USP34: variants seen among roughly 807,000 people sequenced by gnomAD.
USP34 encodes the protein ubiquitin specific peptidase 34, also known as ubiquitin carboxyl-terminal hydrolase 34.
Under a neutral mutation model 460.3 loss-of-function variants are expected in USP34, and 70 were observed. The observed-to-expected ratio is 0.15, with a 90% CI of 0.13 to 0.19. USP34 has a LOEUF of 0.19. Among genes scored for constraint, USP34 ranks in the 10% least tolerant of loss-of-function variants. USP34 has a pLI of 1.00. For synonymous variants in USP34, 1,647 were observed against 1,405.3 expected (o/e 1.17, Z -3.85); for missense variants, 3,985 against 4,236.2 (o/e 0.94, Z 1.65).
intron 5 of USP34, among the ~76,000 whole-genome samples, chr2:61,391,853 A>AT (rs1259256915): frequency 4.6e-5 from 7 of 152,170 alleles, no homozygotes; most frequent in African/African-American, 1.7e-4. Context: ...AATCTACAAT[A>AT]TTTTTTATAA....
At chr2:61,330,083 A>G (rs996437997) in intron 20 of USP34, among the ~76,000 whole-genome samples, 2 of 152,212 alleles carry the variant, frequency 1.3e-5, no homozygotes, top group African/African-American at 4.8e-5. Flanking sequence ...AAAGGTAGAG[A>G]TTAATGGCAG....
At chr2:61,459,751 T>C (rs1695546117) in intron 1 of USP34, among the ~76,000 whole-genome samples, 4 of 148,508 alleles carry the variant, frequency 2.7e-5, no homozygotes. Context: ...CACTCCAGCC[T>C]GGGCTACAGA....
At chr2:61,341,755 CTTTT>C (rs896288474) in intron 16 of USP34, among the ~76,000 whole-genome samples, 4 of 91,750 alleles carry the variant, frequency 4.4e-5, no homozygotes, top group South Asian at 4.5e-4. Context: ...TCAGGTCTTT[CTTTT>C]TTTTTTTTTT....
At chr2:61,337,819 A>G (rs549627634) in intron 18 of USP34, among the ~76,000 whole-genome samples, 3 of 152,272 alleles carry the variant, frequency 2.0e-5, no homozygotes, top group South Asian at 2.1e-4. Context: ...TCACCAGGGT[A>G]TATTTTGTTA....
chr2:61,445,261 C>G (rs554247298), intron 1 of USP34, among the ~76,000 whole-genome samples: 1 of 146,296 alleles, frequency 6.8e-6, no homozygotes, highest in Non-Finnish European at 1.5e-5. Context: ...GCTGGCCGGG[C>G]CCGGTGGCTC....
chr2:61,330,784 A>C (rs142750728), intron 20 of USP34, among the ~76,000 whole-genome samples: 1 of 152,196 alleles, frequency 6.6e-6, no homozygotes, highest in African/African-American at 2.4e-5. Context: ...ATATCCAGAG[A>C]ATATTTTGAT....
rs1695736743 is a variant in USP34, at chr2:61,465,591, C to A, written c.43+5059G>T. 2.0e-5 allele frequency among the ~76,000 whole-genome samples: 3 copies of A among 152,136 alleles called. No individual in the cohort carries two copies. The South Asian group carries it at 6.2e-4, about 32-fold the overall frequency. On this transcript the variant is annotated intron_variant, in intron 1 of 79. Coordinates refer to ENST00000398571, the MANE Select transcript of USP34 (RefSeq NM_014709.4). ...GGCATGGTAGCTCATGCCTGTAATT[C>A]CAGTACTTGGGGAGGCTGAGGCAGG...
chr2:61,375,982 G>A (rs1692788759), intron 8 of USP34, among the ~76,000 whole-genome samples: 1 of 152,014 alleles, frequency 6.6e-6, no homozygotes, highest in South Asian at 2.1e-4. Context: ...ACTATCATTT[G>A]ATTCCTTTTA....
intron 29 of USP34, among the ~76,000 whole-genome samples, chr2:61,298,958 G>C (rs1014854719): frequency 1.3e-4 from 20 of 151,958 alleles, no homozygotes; most frequent in Non-Finnish European, 2.4e-4. Context: ...GACCCAATTT[G>C]AACAACTCCT....
intron 67 of USP34, 81 bp downstream of exon 67, chr2:61,220,229 T>C (rs1404750122): frequency 1.6e-6 from 2 of 1,234,462 alleles, no homozygotes; most frequent in Non-Finnish European, 2.2e-6. Flanking sequence ...AATGGGCATG[T>C]CGTAGTTGCC....
chr2:61,466,093 G>A (rs1028209398), intron 1 of USP34, among the ~76,000 whole-genome samples: 1 of 151,902 alleles, frequency 6.6e-6, no homozygotes, highest in Non-Finnish European at 1.5e-5. Flanking sequence ...GAGATAGAAG[G>A]AATAAGTACT....
intron 1 of USP34, among the ~76,000 whole-genome samples, chr2:61,467,307 T>C (rs928622234): frequency 6.6e-6 from 1 of 151,614 alleles, no homozygotes; most frequent in Non-Finnish European, 1.5e-5. Context: ...TGTCTCCAAA[T>C]AAAAAATAAA....
intron 19 of USP34, among the ~76,000 whole-genome samples, chr2:61,331,641 A>C: frequency 6.6e-6 from 1 of 152,044 alleles, no homozygotes; most frequent in Admixed American, 6.5e-5. Context: ...GTTAATATTA[A>C]AAGTAATATG....
chr2:61,424,053 C>T (rs1411503027), intron 1 of USP34, among the ~76,000 whole-genome samples: 1 of 152,170 alleles, frequency 6.6e-6, no homozygotes, highest in Non-Finnish European at 1.5e-5. Context: ...AATGTTACAG[C>T]TGCTGTGGAA....
At chr2:61,458,340 C>A (rs527700172) in intron 1 of USP34, among the ~76,000 whole-genome samples, 1 of 151,612 alleles carries the variant, frequency 6.6e-6, no homozygotes, top group Admixed American at 6.6e-5. Flanking sequence ...GCAGGCAAAT[C>A]ACCTGAGGTC....
chr2:61,210,792 G>C (rs1687252978), intron 69 of USP34, among the ~76,000 whole-genome samples: 1 of 151,974 alleles, frequency 6.6e-6, no homozygotes, highest in South Asian at 2.1e-4. Context: ...GCTCACTGCA[G>C]CTTCCACCTT....
rs1687934278 is a variant in USP34 at position 61,232,434 on chromosome 2, A to C, written c.7113+18T>G. ...ACTTCTTTTCCAAATAATTTTTTTCAAACATATTTTTCCTTACCTGTCTCA... is the reference window on the plus strand; with the variant it reads ...ACTTCTTTTCCAAATAATTTTTTTCCAACATATTTTTCCTTACCTGTCTCA... On this transcript the variant is annotated intron_variant, in intron 58 of 79. Transcript: ENST00000398571. The C allele has an allele frequency of 1.3e-6, 2 of 1,583,512 alleles. No individual in the cohort carries two copies. The highest frequency in any genetic ancestry group is 1.4e-5 in the African/African-American group (1 of 73,782).
chr2:61,284,258 T>G (rs1689621180), intron 35 of USP34, among the ~76,000 whole-genome samples: 1 of 152,186 alleles, frequency 6.6e-6, no homozygotes, highest in Non-Finnish European at 1.5e-5. Context: ...GTCTAAACTT[T>G]AAGACTCCTT....
intron 8 of USP34, among the ~76,000 whole-genome samples, chr2:61,372,006 T>G (rs1286758101): frequency 6.6e-6 from 1 of 152,210 alleles, no homozygotes; most frequent in Non-Finnish European, 1.5e-5. Flanking sequence ...CATGATGCAT[T>G]TCTCAGAATG....
Sources: allele counts gnomAD v4.1 joint callset (sites outside exome capture counted in the v4.1 genomes callset), GRCh38; gene constraint gnomAD v4.1.1; transcripts MANE v1.5; gene names NCBI Gene and HGNC (gene_info 2026-07-23, HGNC 2026-07-21).